Variants in MAPT observed in about 807,000 individuals in gnomAD.
MAPT encodes the protein microtubule associated protein tau.
MAPT carries 34 observed loss-of-function variants against 67.9 expected under a neutral mutation model. That is an observed-to-expected ratio of 0.50 (90% CI 0.38 to 0.67). MAPT has a LOEUF of 0.67. Among genes scored for constraint, MAPT ranks in the 30% least tolerant of loss-of-function variants. MAPT has a pLI of 0.00. For missense variants in MAPT, 881 were observed against 1,115.2 expected (o/e 0.79, Z 2.99); for synonymous variants, 456 against 464.5 (o/e 0.98, Z 0.23).
chr17:45,966,214 T>C (rs1369724347), intron 2 of MAPT, among the ~76,000 whole-genome samples: 1 of 152,226 alleles, frequency 6.6e-6, no homozygotes, highest in Non-Finnish European at 1.5e-5. Context: ...GGGAACTGGA[T>C]GTGGGGTATA....
At chr17:46,021,070 C>T (rs992392970) in intron 12 of MAPT, among the ~76,000 whole-genome samples, 1 of 152,170 alleles carries the variant, frequency 6.6e-6, no homozygotes, top group Non-Finnish European at 1.5e-5. Context: ...AGATGGGCAC[C>T]CTCATCTTGT....
intron 9 of MAPT, among the ~76,000 whole-genome samples, chr17:45,998,587 C>G (rs1420723148): frequency 6.6e-6 from 1 of 152,120 alleles, no homozygotes; most frequent in Non-Finnish European, 1.5e-5. Flanking sequence ...AATTAAGGTC[C>G]GGCCTTTTCC....
intron 4 of MAPT, chr17:45,979,693 T>G (rs543028827): frequency 1.3e-5 from 2 of 152,330 alleles, no homozygotes; most frequent in East Asian, 3.9e-4. Context: ...TTAGGTCATG[T>G]TTTTCAGCTT....
At chr17:45,933,852 T>TG (rs1054954912) in intron 1 of MAPT, among the ~76,000 whole-genome samples, 64 of 151,826 alleles carry the variant, frequency 4.2e-4, no homozygotes, top group African/African-American at 1.5e-3. Flanking sequence ...TTTTTTTTTT[T>TG]TTTTTTGCTG....
chr17:45,983,534 C>A lies in MAPT; in HGVS notation c.955C>A (p.Arg319=). The A allele has an allele frequency of 6.2e-7, 1 of 1,612,886 alleles. No individual in the cohort carries two copies. The highest frequency in any genetic ancestry group is 8.5e-7 in the Non-Finnish European group (1 of 1,179,916). ...PSKASPAQDG[R]PPQTAAREAT... is the part of the protein sequence containing the mutation. ...CAAGGCCTCCCCAGCCCAAGATGGG[C>A]GGCCTCCCCAGACAGCCGCCAGAGA... is the stretch of plus-strand genomic sequence containing the variant. The change falls in exon 5 of 13, where the codon CGG becomes AGG. Residue 319 remains arginine (R), a synonymous_variant. Coordinates refer to ENST00000262410, the MANE Select transcript of MAPT (RefSeq NM_001377265.1).
chr17:45,982,976 G>C lies in MAPT; in HGVS notation c.397G>C (p.Gly133Arg). 1 of 1,436,434 alleles carries C rather than the reference G, an allele frequency of 7.0e-7. No individual in the cohort carries two copies. The highest frequency in any genetic ancestry group is 1.5e-5 in the South Asian group (1 of 66,812). 89.0% of individuals were successfully genotyped at this position (1,436,434 alleles called of 1,614,324 possible). The change falls in exon 5 of 13, where the codon GGG becomes CGG. Residue 133 changes from glycine to arginine, a missense_variant. Transcript: ENST00000262410. ...GPCGEASGVS[G>R]PCLGEKEPEA... ...CTGCGGAGAGGCCTCTGGGGTCTCT[G>C]GGCCGTGCCTCGGGGAGAAAGAGCC...
chr17:45,983,315 TC>T lies in MAPT; in HGVS notation c.737del (p.Ser246TrpfsTer23). ...CCCCAGAGAGGCCACACGCCAACCT[TC>T]GGGGACAGGACCTGAGGACACAGAG... ...EGPREATRQPSGTGPEDTEGG... is the reference protein window; with the variant it reads ...EGPREATRQPXGTGPEDTEGG... On this transcript the variant is annotated frameshift_variant, in exon 5 of 13. Transcript: ENST00000262410. LOFTEE classifies it high-confidence loss of function. 1 of 1,600,440 alleles carries T rather than the reference TC, an allele frequency of 6.2e-7. No individual in the cohort carries two copies. Among genetic ancestry groups the T allele is most frequent in the East Asian group, 2.3e-5 (1 of 44,322 alleles).
At position 45,991,468 on chromosome 17, in the gene MAPT, T is replaced by C. The variant is rs1442558425; in HGVS notation, c.1614T>C (p.Asp538=). The change falls in exon 8 of 13, where the codon GAT becomes GAC. Residue 538 remains aspartate (D), a synonymous_variant. Transcript: ENST00000262410. Reference sequence around the variant, plus strand: ...TCATGTTTCATTTACAGGGGGCTGATGGTAAAACGAAGATCGCCACACCGC... The same window carrying C: ...TCATGTTTCATTTACAGGGGGCTGACGGTAAAACGAAGATCGCCACACCGC... ...GAKEMKLKGA[D]GKTKIATPRG... 1 of 1,614,092 alleles carries C rather than the reference T, an allele frequency of 6.2e-7. No individual in the cohort carries two copies. Among genetic ancestry groups the C allele is most frequent in the South Asian group, 1.1e-5 (1 of 91,064 alleles).
chr17:45,948,660 G>A (rs945133334), intron 1 of MAPT, among the ~76,000 whole-genome samples: 3 of 152,182 alleles, frequency 2.0e-5, no homozygotes, highest in Non-Finnish European at 4.4e-5. Context: ...CATACTTCCT[G>A]TGTGACCTTG....
intron 3 of MAPT, chr17:45,975,044 G>A (rs530507725): frequency 1.6e-4 from 25 of 153,756 alleles, no homozygotes; most frequent in African/African-American, 6.0e-4. Context: ...GTCAACATGG[G>A]TGATGGGGAA....
At chr17:45,913,986 C>T (rs2064983409) in intron 1 of MAPT, among the ~76,000 whole-genome samples, 1 of 152,082 alleles carries the variant, frequency 6.6e-6, no homozygotes. Context: ...TAGGACAGCC[C>T]AGCATTGCCC....
intron 9 of MAPT, chr17:45,999,584 G>A: frequency 6.2e-7 from 1 of 1,612,186 alleles, no homozygotes. Context: ...CCCTTTCAGG[G>A]CCAGAACTGT....
chr17:45,989,847 T>C, intron 6 of MAPT, 31 bp from the exon 7 acceptor site: 1 of 1,602,014 alleles, frequency 6.2e-7, no homozygotes, highest in Non-Finnish European at 8.6e-7. Context: ...TGCTGACTTT[T>C]ATTTTGATTT....
chr17:45,957,172 C>T (rs1158793574), intron 1 of MAPT, among the ~76,000 whole-genome samples: 1 of 152,158 alleles, frequency 6.6e-6, no homozygotes, highest in Non-Finnish European at 1.5e-5. Context: ...GGAATCGCCA[C>T]ACTGTCTTCC....
chr17:45,928,417 A>G (rs1171633823), intron 1 of MAPT, among the ~76,000 whole-genome samples: 1 of 152,074 alleles, frequency 6.6e-6, no homozygotes, highest in Non-Finnish European at 1.5e-5. Flanking sequence ...CAGGTGTCCC[A>G]TCTACACTCC....
chr17:46,013,402 TTGAC>T (rs1240553988), intron 10 of MAPT, among the ~76,000 whole-genome samples: 1 of 152,234 alleles, frequency 6.6e-6, no homozygotes, highest in African/African-American at 2.4e-5. Context: ...AGCTGGTTCT[TTGAC>T]TGAGATCAGC....
At chr17:45,994,100 C>T (rs2074286338) in intron 8 of MAPT, 1 of 890,472 alleles carries the variant, frequency 1.1e-6, no homozygotes, top group Admixed American at 2.8e-5. Context: ...GGGTTCGCAG[C>T]CTGAAGATGG....
At position 45,948,225 on chromosome 17, in the gene MAPT, C is replaced by T. The variant is rs144693313; in HGVS notation, c.-17-14096C>T. Among the ~76,000 whole-genome samples the T allele has an allele frequency of 2.0e-3, 302 of 152,224 alleles. 1 individual carries two copies. Among genetic ancestry groups the T allele is most frequent in the Middle Eastern group, 6.8e-3 (2 of 294 alleles). Reference sequence around the variant, plus strand: ...TTCTCAATGTTAGCCAGGCTGGTCTCGAACTCCTGGCCTCAAGTGATCTGC... The same window carrying T: ...TTCTCAATGTTAGCCAGGCTGGTCTTGAACTCCTGGCCTCAAGTGATCTGC... On this transcript the variant is annotated intron_variant, in intron 1 of 12. Transcript: ENST00000262410.
At chr17:45,966,483 C>G (rs115359456) in intron 2 of MAPT, among the ~76,000 whole-genome samples, 1 of 151,888 alleles carries the variant, frequency 6.6e-6, no homozygotes, top group Non-Finnish European at 1.5e-5. Flanking sequence ...CAGCTACTTG[C>G]GGGGCTGAGG....
Sources: gnomAD v4.1 joint callset for allele counts (sites outside exome capture counted in the v4.1 genomes callset) on GRCh38, gnomAD v4.1.1 for gene constraint, MANE v1.5 for transcripts, NCBI Gene and HGNC (gene_info 2026-07-23, HGNC 2026-07-21) for gene names.